Variants in MACROD2 observed in about 807,000 individuals in gnomAD.
The protein encoded by MACROD2 is mono-ADP ribosylhydrolase 2, also known as ADP-ribose glycohydrolase MACROD2.
Under a neutral mutation model 70.4 loss-of-function variants are expected in MACROD2, and 36 were observed. The ratio of observed to expected loss-of-function variants is 0.51; its 90% CI spans 0.39 to 0.68. The LOEUF is 0.68. Ranked by LOEUF, MACROD2 falls within the 30% of genes least tolerant of loss-of-function variation. The pLI is 0.00. For synonymous variants in MACROD2, 172 were observed against 178.8 expected (o/e 0.96, Z 0.30); for missense variants, 496 against 538.4 (o/e 0.92, Z 0.78).
rs549814651 is a variant in MACROD2 at position 15,928,111 on chromosome 20, G to A, written c.776-5165G>A. ...TCTATGTTAATCTTTTGATCTGGAT[G>A]GTTGTATTGTGGTTATGAAAAAGAA... On this transcript the variant is annotated intron_variant, in intron 10 of 17. Transcript: ENST00000684519. Among the ~76,000 whole-genome samples, 9 of 152,290 alleles carry A rather than the reference G, an allele frequency of 5.9e-5. No individual in the cohort carries two copies. In the South Asian group the frequency reaches 1.7e-3, roughly 28 times the overall value.
intron 2 of MACROD2, among the ~76,000 whole-genome samples, chr20:14,013,524 G>A (rs1035220509): frequency 2.6e-5 from 4 of 151,774 alleles, no homozygotes; most frequent in African/African-American, 7.3e-5. Context: ...TGCCCACCTC[G>A]GCCTCCCAAA....
chr20:14,798,806 CATTT>C (rs1431000971), intron 5 of MACROD2, among the ~76,000 whole-genome samples: 2 of 151,856 alleles, frequency 1.3e-5, no homozygotes, highest in Admixed American at 6.6e-5. Flanking sequence ...AATAATGAGA[CATTT>C]ATAAGTATGC....
chr20:15,800,980 C>T (rs1278311537), intron 8 of MACROD2, among the ~76,000 whole-genome samples: 1 of 151,044 alleles, frequency 6.6e-6, no homozygotes, highest in African/African-American at 2.5e-5. Context: ...TAAACAGATG[C>T]TTGAAGGCAG....
At chr20:15,291,213 G>A (rs1224940412) in intron 6 of MACROD2, among the ~76,000 whole-genome samples, 1 of 152,190 alleles carries the variant, frequency 6.6e-6, no homozygotes, top group Non-Finnish European at 1.5e-5. Context: ...ATGCTTAGTT[G>A]CTCCATAAGG....
intron 5 of MACROD2, among the ~76,000 whole-genome samples, chr20:15,001,978 C>T (rs1600932456): frequency 6.7e-6 from 1 of 150,148 alleles, no homozygotes; most frequent in Non-Finnish European, 1.5e-5. Context: ...CACACATATA[C>T]ACACACACAC....
intron 3 of MACROD2, among the ~76,000 whole-genome samples, chr20:14,255,330 T>C (rs1306700281): frequency 6.6e-6 from 1 of 152,044 alleles, no homozygotes; most frequent in Admixed American, 6.6e-5. Context: ...GTGGCACATA[T>C]ATACCATGGA....
At chr20:14,955,479 C>T (rs770631902) in intron 5 of MACROD2, among the ~76,000 whole-genome samples, 1 of 151,442 alleles carries the variant, frequency 6.6e-6, no homozygotes, top group Non-Finnish European at 1.5e-5. Flanking sequence ...TCGTATATTG[C>T]GATATGTCTG....
At position 15,292,819 on chromosome 20, in the gene MACROD2, C is replaced by T. The variant is rs572619077; in HGVS notation, c.540+62758C>T. Among the ~76,000 whole-genome samples the T allele has an allele frequency of 8.5e-5, 13 of 152,188 alleles. No homozygotes were observed. In the South Asian group the frequency reaches 2.3e-3, roughly 27 times the overall value. On this transcript the variant is annotated intron_variant, in intron 6 of 17. Coordinates refer to ENST00000684519, the MANE Select transcript of MACROD2 (RefSeq NM_001351661.2). ...CTGTTTTTTCTTGGTTTAATGCTTC[C>T]ATTCAACTGTATTTTTTTTCATTTC...
intron 5 of MACROD2, among the ~76,000 whole-genome samples, chr20:15,185,871 A>G (rs1229361097): frequency 6.6e-6 from 1 of 152,202 alleles, no homozygotes; most frequent in Non-Finnish European, 1.5e-5. Context: ...CAAAGTGGAT[A>G]TTCAAACTCC....
chr20:15,942,398 A>G (rs1409801989), intron 12 of MACROD2, among the ~76,000 whole-genome samples: 2 of 152,218 alleles, frequency 1.3e-5, no homozygotes, highest in Non-Finnish European at 2.9e-5. Flanking sequence ...CCAGGATTGA[A>G]TTGAAATTAA....
chr20:15,209,115 G>GTATGTATT (rs1555792787), intron 5 of MACROD2, among the ~76,000 whole-genome samples: 1 of 147,074 alleles, frequency 6.8e-6, no homozygotes. Context: ...GGTGGTGGTG[G>GTATGTATT]TATTTATTTA....
chr20:14,238,264 T>C (rs2081895565), intron 3 of MACROD2, among the ~76,000 whole-genome samples: 1 of 152,234 alleles, frequency 6.6e-6, no homozygotes, highest in South Asian at 2.1e-4. Flanking sequence ...CAATAAATGT[T>C]ATTTATTACA....
intron 8 of MACROD2, among the ~76,000 whole-genome samples, chr20:15,839,775 C>T (rs766090662): frequency 6.6e-6 from 1 of 151,990 alleles, no homozygotes; most frequent in Non-Finnish European, 1.5e-5. Context: ...GTTCATATGT[C>T]TATATATCAT....
At chr20:14,159,349 C>A (rs931553014) in intron 3 of MACROD2, among the ~76,000 whole-genome samples, 1 of 152,142 alleles carries the variant, frequency 6.6e-6, no homozygotes, top group African/African-American at 2.4e-5. Flanking sequence ...AATATTAATT[C>A]TTCCCATCCA....
chr20:15,243,687 G>A (rs939475530), intron 6 of MACROD2, among the ~76,000 whole-genome samples: 1 of 152,048 alleles, frequency 6.6e-6, no homozygotes, highest in African/African-American at 2.4e-5. Flanking sequence ...AGGCCGAGGC[G>A]GGCAAATCAC....
chr20:14,134,815 A>AAC (rs1236821191), intron 3 of MACROD2, among the ~76,000 whole-genome samples: 1 of 151,522 alleles, frequency 6.6e-6, no homozygotes, highest in African/African-American at 2.4e-5. Context: ...AAAAAAAAAA[A>AAC]AAAAAAACAG....
At chr20:15,422,620 C>T (rs192923797) in intron 6 of MACROD2, among the ~76,000 whole-genome samples, 13 of 152,270 alleles carry the variant, frequency 8.5e-5, no homozygotes, top group African/African-American at 2.6e-4. Context: ...CAGCACATTT[C>T]GGTAATTCAA....
chr20:15,886,439 T>C (rs941636389), intron 10 of MACROD2, among the ~76,000 whole-genome samples: 2 of 152,176 alleles, frequency 1.3e-5, no homozygotes, highest in African/African-American at 4.8e-5. Flanking sequence ...TTCTTTGGAA[T>C]AGTCACAAGC....
At chr20:14,527,165 C>T (rs968822947) in intron 4 of MACROD2, among the ~76,000 whole-genome samples, 26 of 152,202 alleles carry the variant, frequency 1.7e-4, no homozygotes, top group Non-Finnish European at 3.4e-4. Flanking sequence ...GGCCTGCCGA[C>T]GTCTGTCAGT....
Sources: allele counts gnomAD v4.1 joint callset (sites outside exome capture counted in the v4.1 genomes callset), GRCh38; gene constraint gnomAD v4.1.1; transcripts MANE v1.5; gene names NCBI Gene and HGNC (gene_info 2026-07-23, HGNC 2026-07-21).